ZC3H12B: variants seen among roughly 807,000 people sequenced by gnomAD.
The protein encoded by ZC3H12B is probable ribonuclease ZC3H12B.
A neutral mutation model predicts 43.9 loss-of-function variants in ZC3H12B; 7 were observed. The observed-to-expected ratio is 0.16, with a 90% confidence interval of 0.09 to 0.30. The LOEUF (loss-of-function observed/expected upper bound fraction) is 0.30. Among genes scored for constraint, ZC3H12B ranks in the 10% least tolerant of loss-of-function variants. The probability of loss-of-function intolerance (pLI) is 1.00; values close to 1 mark genes in which losing one functional copy is unlikely to be tolerated. For missense variants in ZC3H12B, 475 were observed against 670.2 expected (o/e 0.71, Z 3.22); for synonymous variants, 222 against 241.7 (o/e 0.92, Z 0.76).
the ZC3H12B span, among the ~76,000 whole-genome samples, chrX:65,143,092 C>CAGTA: frequency 9.1e-6 from 1 of 110,402 alleles, no homozygotes; most frequent in African/African-American, 3.3e-5. Flanking sequence ...TTGCTTTTGG[C>CAGTA]AGTATGGATA....
chrX:65,401,845 A>G (rs1400350579), intron 3 of ZC3H12B, among the ~76,000 whole-genome samples: 4 of 111,863 alleles, frequency 3.6e-5, no homozygotes, highest in Non-Finnish European at 7.5e-5. Context: ...CCAGAAAGGA[A>G]CCCACTGCAT....
the ZC3H12B span, among the ~76,000 whole-genome samples, chrX:65,162,847 T>A: frequency 8.9e-6 from 1 of 112,263 alleles, no homozygotes; most frequent in African/African-American, 3.2e-5. Flanking sequence ...GACGCTCTTC[T>A]TTTTAGAGTT....
At chrX:65,102,854 C>T in the ZC3H12B span, among the ~76,000 whole-genome samples, 11 of 111,280 alleles carry the variant, frequency 9.9e-5, no homozygotes, top group East Asian at 2.9e-3. Context: ...CCCCCTGAAC[C>T]GCAAACCCAG....
chrX:65,281,410 A>G, the ZC3H12B span, among the ~76,000 whole-genome samples: 1 of 110,284 alleles, frequency 9.1e-6, no homozygotes, highest in African/African-American at 3.3e-5. Context: ...ATTTTTAGAC[A>G]GGGTTACGTC....
chrX:65,436,623 C>T (rs188152574), intron 3 of ZC3H12B, among the ~76,000 whole-genome samples: 6 of 111,827 alleles, frequency 5.4e-5, no homozygotes, highest in East Asian at 2.8e-4. Flanking sequence ...AGCTCATATA[C>T]GTGATAAGCG....
At chrX:65,173,414 T>G in the ZC3H12B span, among the ~76,000 whole-genome samples, 1 of 111,739 alleles carries the variant, frequency 8.9e-6, no homozygotes, top group African/African-American at 3.3e-5. Flanking sequence ...ATGCTTTATT[T>G]TTTTCTCTTG....
upstream of ZC3H12B, among the ~76,000 whole-genome samples, chrX:65,364,288 G>A (rs1467616182): frequency 9.1e-6 from 1 of 109,743 alleles, no homozygotes; most frequent in Non-Finnish European, 1.9e-5. Context: ...CTCTAAATAT[G>A]CCTTCCATAT....
the ZC3H12B span, among the ~76,000 whole-genome samples, chrX:65,339,805 A>G: frequency 9.0e-6 from 1 of 111,583 alleles, no homozygotes; most frequent in Admixed American, 9.4e-5. Flanking sequence ...GGCCCCCATG[A>G]TCACACACAA....
chrX:65,353,891 C>T, the ZC3H12B span, among the ~76,000 whole-genome samples: 1 of 111,915 alleles, frequency 8.9e-6, no homozygotes, highest in Admixed American at 9.5e-5. Context: ...GGCAAAGCCA[C>T]TGTAGCCAGA....
the ZC3H12B span, among the ~76,000 whole-genome samples, chrX:65,043,985 G>A: frequency 9.0e-6 from 1 of 111,493 alleles, no homozygotes. Flanking sequence ...AGGCACTAGG[G>A]ATACAGTGGT....
the ZC3H12B span, among the ~76,000 whole-genome samples, chrX:65,293,239 A>G: frequency 1.8e-5 from 2 of 110,992 alleles, no homozygotes; most frequent in African/African-American, 6.6e-5. Flanking sequence ...GCCTAGACCC[A>G]AAAGAGAAAT....
the ZC3H12B span, among the ~76,000 whole-genome samples, chrX:65,279,915 A>C: frequency 8.9e-6 from 1 of 112,455 alleles, no homozygotes; most frequent in Non-Finnish European, 1.9e-5. Context: ...GGCCAAGGAC[A>C]TGAAAAGACA....
intron 2 of ZC3H12B, among the ~76,000 whole-genome samples, chrX:65,379,692 G>T (rs1300535725): frequency 8.9e-6 from 1 of 111,875 alleles, no homozygotes; most frequent in Non-Finnish European, 1.9e-5. Flanking sequence ...CAAACGCAAA[G>T]AAGTTGAAAA....
intron 4 of ZC3H12B, among the ~76,000 whole-genome samples, chrX:65,500,274 G>A (rs746986267): frequency 2.7e-5 from 3 of 112,631 alleles, no homozygotes; most frequent in South Asian, 7.3e-4. Context: ...CTGGAAGCAG[G>A]GAAATGAAGA....
chrX:65,207,361 T>C, the ZC3H12B span, among the ~76,000 whole-genome samples: 2 of 110,032 alleles, frequency 1.8e-5, no homozygotes, highest in Non-Finnish European at 3.8e-5. Context: ...GAGACTATTA[T>C]TCTAAGTGAA....
the ZC3H12B span, among the ~76,000 whole-genome samples, chrX:65,044,411 CAT>C: frequency 3.1e-3 from 350 of 111,471 alleles, 1 homozygote; most frequent in African/African-American, 0.011. Context: ...GAGGCCAAAA[CAT>C]ATAGACTTTT....
At chrX:65,277,089 A>G in the ZC3H12B span, among the ~76,000 whole-genome samples, 1 of 111,960 alleles carries the variant, frequency 8.9e-6, no homozygotes, top group Non-Finnish European at 1.9e-5. Flanking sequence ...ATCAGACAAA[A>G]TTTATGTCAA....
chrX:65,151,525 G>C, the ZC3H12B span, among the ~76,000 whole-genome samples: 4 of 111,659 alleles, frequency 3.6e-5, no homozygotes, highest in Admixed American at 9.6e-5. Context: ...TGTAAATTTT[G>C]AATTTTTAAT....
the ZC3H12B span, among the ~76,000 whole-genome samples, chrX:65,140,437 G>C: frequency 8.9e-6 from 1 of 111,853 alleles, no homozygotes; most frequent in Non-Finnish European, 1.9e-5. Flanking sequence ...GCAGTTCTGT[G>C]ATAAATCACA....
Sources: gnomAD v4.1 joint callset for allele counts (sites outside exome capture counted in the v4.1 genomes callset) on GRCh38, gnomAD v4.1.1 for gene constraint, MANE v1.5 for transcripts, NCBI Gene and HGNC (gene_info 2026-07-23, HGNC 2026-07-21) for gene names.